Variants in ABHD12 observed in about 807,000 individuals in gnomAD.
ABHD12 encodes abhydrolase domain containing 12, lysophospholipase.
Under a neutral mutation model 58.3 loss-of-function variants are expected in ABHD12, and 43 were observed. The observed-to-expected ratio is 0.74, with a 90% confidence interval of 0.58 to 0.95. The LOEUF (loss-of-function observed/expected upper bound fraction) is 0.95, where lower values mean the gene tolerates loss of function less well. ABHD12 is among the 40% of genes least tolerant of loss of function. The pLI is 0.00. For missense variants in ABHD12, 539 were observed against 537.2 expected, an observed-to-expected ratio of 1.00 and a Z score of -0.03; for synonymous variants, 219 against 211.2, an observed-to-expected ratio of 1.04 and a Z score of -0.32.
At chr20:25,389,674 T>C (rs548341703) in intron 1 of ABHD12, among the ~76,000 whole-genome samples, 49 of 152,184 alleles carry the variant, frequency 3.2e-4, no homozygotes, top group Non-Finnish European at 4.9e-4. Flanking sequence ...ATTCATCTTC[T>C]ACCCAATAAC....
chr20:25,346,242 G>C (rs2089516757), intron 1 of ABHD12, among the ~76,000 whole-genome samples: 2 of 152,166 alleles, frequency 1.3e-5, no homozygotes, highest in Admixed American at 1.3e-4. Flanking sequence ...CATACTATAT[G>C]ACTCCAACTA....
At chr20:25,299,722 T>C (rs1237234701), downstream of ABHD12, among the ~76,000 whole-genome samples, 3 of 152,066 alleles carry the variant, frequency 2.0e-5, no homozygotes, top group Non-Finnish European at 4.4e-5. Flanking sequence ...CAGATGGCCA[T>C]GCAAGGAGAT....
chr20:25,359,926 G>A (rs1043857853), intron 1 of ABHD12, among the ~76,000 whole-genome samples: 2 of 152,002 alleles, frequency 1.3e-5, no homozygotes, highest in African/African-American at 2.4e-5. Context: ...AGAAGTGTAC[G>A]TTAAAAATAT....
chr20:25,335,728 A>G (rs1450229408), intron 2 of ABHD12, among the ~76,000 whole-genome samples: 1 of 149,386 alleles, frequency 6.7e-6, no homozygotes, highest in Non-Finnish European at 1.5e-5. Flanking sequence ...AACACCGCAT[A>G]TTCTCACTCA....
At chr20:25,385,273 G>T (rs1371799443) in intron 1 of ABHD12, among the ~76,000 whole-genome samples, 2 of 146,864 alleles carry the variant, frequency 1.4e-5, no homozygotes, top group South Asian at 2.2e-4. Context: ...GGAGGCGGAG[G>T]TTGCAATGAG....
intron 4 of ABHD12, among the ~76,000 whole-genome samples, chr20:25,317,537 TG>T (rs2088985286): frequency 2.6e-5 from 4 of 152,194 alleles, no homozygotes; most frequent in Non-Finnish European, 5.9e-5. Flanking sequence ...TGGCCTCTCA[TG>T]GTCATCTTGA....
At chr20:25,371,420 C>T (rs892499152) in intron 1 of ABHD12, among the ~76,000 whole-genome samples, 5 of 152,160 alleles carry the variant, frequency 3.3e-5, no homozygotes, top group East Asian at 1.9e-4. Context: ...GGTTATAAAA[C>T]GCTTAGTAAC....
chr20:25,323,699 G>T (rs908915556), intron 2 of ABHD12, among the ~76,000 whole-genome samples: 3 of 152,226 alleles, frequency 2.0e-5, no homozygotes, highest in African/African-American at 7.2e-5. Context: ...AGAGACTGCA[G>T]TGAGGGCAAG....
intron 1 of ABHD12, among the ~76,000 whole-genome samples, chr20:25,386,335 T>G (rs1420723587): frequency 6.7e-6 from 1 of 149,836 alleles, no homozygotes; most frequent in East Asian, 2.1e-4. Flanking sequence ...CTGGGCTCGC[T>G]GCAAGCTCCA....
intron 1 of ABHD12, among the ~76,000 whole-genome samples, chr20:25,379,634 A>C (rs2146127978): frequency 6.6e-6 from 1 of 151,846 alleles, no homozygotes; most frequent in East Asian, 1.9e-4. Context: ...TCCCATGCAC[A>C]CTCCAGACTG....
At chr20:25,359,192 C>G (rs947085950) in intron 1 of ABHD12, among the ~76,000 whole-genome samples, 1 of 151,108 alleles carries the variant, frequency 6.6e-6, no homozygotes, top group African/African-American at 2.4e-5. Flanking sequence ...GAGGCCGAGG[C>G]GGGTGGATCA....
At chr20:25,390,212 G>A (rs1384309266) in intron 1 of ABHD12, 1 of 280,818 alleles carries the variant, frequency 3.6e-6, no homozygotes, top group Non-Finnish European at 6.6e-6. Flanking sequence ...GGTCCCCCCG[G>A]CTTCCCCGGG....
intron 1 of ABHD12, among the ~76,000 whole-genome samples, chr20:25,386,417 C>T (rs1254792318): frequency 2.0e-5 from 3 of 151,300 alleles, no homozygotes; most frequent in Non-Finnish European, 4.4e-5. Flanking sequence ...CGCCACCACG[C>T]CTGGCTAATT....
At chr20:25,351,773 T>C (rs1423891386) in intron 1 of ABHD12, among the ~76,000 whole-genome samples, 1 of 152,018 alleles carries the variant, frequency 6.6e-6, no homozygotes, top group Non-Finnish European at 1.5e-5. Context: ...TGGTGGCACA[T>C]GCCTGTAATC....
Position 25,300,626 on chromosome 20 carries a change from G to A in ABHD12, c.*219C>T. On this transcript the variant is annotated 3_prime_UTR_variant, in exon 13 of 13. Coordinates refer to ENST00000339157, the MANE Select transcript of ABHD12 (RefSeq NM_001042472.3). The stretch of plus-strand genomic sequence containing the variant: ...TGAGGGGCGGCAAGGAGAGCCACAT[G>A]CCTGCCACCCACGCTTTCCACACAG... The A allele has an allele frequency of 2.8e-6, 4 of 1,451,462 alleles. No individual in the cohort carries two copies. The East Asian group carries it at 7.5e-5, about 27-fold the overall frequency. The allele number at this position is 1,451,462 out of a possible 1,614,324, so 89.9% of individuals were successfully genotyped here.
chr20:25,350,718 C>T (rs958210107), intron 1 of ABHD12, among the ~76,000 whole-genome samples: 1 of 152,200 alleles, frequency 6.6e-6, no homozygotes, highest in Non-Finnish European at 1.5e-5. Context: ...CCTCAACAGA[C>T]TCAATGGACC....
intron 5 of ABHD12, 89 bp downstream of exon 5, chr20:25,316,959 C>G (rs1279752061): frequency 2.5e-6 from 3 of 1,208,126 alleles, no homozygotes; most frequent in Middle Eastern, 4.3e-4. Flanking sequence ...CAATAGTTAA[C>G]TCTCAAGCTG....
At chr20:25,318,451 G>A (rs1382105304) in intron 4 of ABHD12, among the ~76,000 whole-genome samples, 1 of 152,236 alleles carries the variant, frequency 6.6e-6, no homozygotes, top group Non-Finnish European at 1.5e-5. Context: ...AAAAGGAACA[G>A]TTGCTGGGAA....
At chr20:25,345,493 C>A (rs2089506744) in intron 1 of ABHD12, among the ~76,000 whole-genome samples, 1 of 151,940 alleles carries the variant, frequency 6.6e-6, no homozygotes, top group South Asian at 2.1e-4. Flanking sequence ...AAGACAATGT[C>A]AACAGAATGA....
Sources: gnomAD v4.1 joint callset for allele counts (sites outside exome capture counted in the v4.1 genomes callset) on GRCh38, gnomAD v4.1.1 for gene constraint, MANE v1.5 for transcripts, NCBI Gene and HGNC (gene_info 2026-07-23, HGNC 2026-07-21) for gene names.